The following RBFOX1 variants were observed in gnomAD, a reference collection of about 807,000 sequenced individuals.
RBFOX1 encodes RNA binding fox-1 homolog 1, also known as RNA binding protein fox-1 homolog 1.
RBFOX1 carries 8 observed loss-of-function variants against 57.7 expected under a neutral mutation model. That is an observed-to-expected ratio of 0.14 (90% CI 0.08 to 0.25). The LOEUF (loss-of-function observed/expected upper bound fraction) is 0.25. RBFOX1 is among the 10% of genes least tolerant of loss of function. The pLI is 1.00. For missense variants in RBFOX1, 611 were observed against 548.5 expected, an observed-to-expected ratio of 1.11 and a Z score of -1.14; for synonymous variants, 326 against 222.4, an observed-to-expected ratio of 1.47 and a Z score of -4.15.
intron 3 of RBFOX1, among the ~76,000 whole-genome samples, chr16:6,760,810 A>G (rs1397223091): frequency 6.6e-6 from 1 of 152,178 alleles, no homozygotes; most frequent in Non-Finnish European, 1.5e-5. Context: ...CAGAGATTCC[A>G]ACTAGAACCA....
chr16:5,893,805 CA>C (rs34828601), intron 4 of RBFOX1, among the ~76,000 whole-genome samples: 9,357 of 142,948 alleles, frequency 0.065, 303 homozygotes, highest in African/African-American at 0.091. Flanking sequence ...GACTCCACCT[CA>C]AAAAAAAAAA....
intron 4 of RBFOX1, among the ~76,000 whole-genome samples, chr16:7,359,211 C>T (rs1458566195): frequency 6.6e-6 from 1 of 152,150 alleles, no homozygotes; most frequent in African/African-American, 2.4e-5. Flanking sequence ...GCCTTGGTTT[C>T]TAATCCTTAC....
At chr16:6,534,925 G>A (rs765150519) in intron 2 of RBFOX1, among the ~76,000 whole-genome samples, 5 of 152,272 alleles carry the variant, frequency 3.3e-5, no homozygotes, top group South Asian at 2.1e-4. Flanking sequence ...TCATATGTGC[G>A]CATTCAACAT....
chr16:6,393,020 A>G (rs2092675092), intron 2 of RBFOX1, among the ~76,000 whole-genome samples: 1 of 152,178 alleles, frequency 6.6e-6, no homozygotes, highest in Non-Finnish European at 1.5e-5. Flanking sequence ...TGTGTCTTTA[A>G]GGGAGGTTGA....
At chr16:6,257,417 TTCTTC>T in intron 1 of RBFOX1, among the ~76,000 whole-genome samples, 1 of 152,080 alleles carries the variant, frequency 6.6e-6, no homozygotes, top group African/African-American at 2.4e-5. Flanking sequence ...GAATTTCTTC[TTCTTC>T]TTTTTTTTTA....
At chr16:5,651,215 G>A (rs944888652) in intron 3 of RBFOX1, among the ~76,000 whole-genome samples, 1 of 151,616 alleles carries the variant, frequency 6.6e-6, no homozygotes, top group Non-Finnish European at 1.5e-5. Flanking sequence ...ACCATACCCA[G>A]CTAATTTTTG....
At chr16:5,264,206 C>T (rs976541393) in intron 1 of RBFOX1, among the ~76,000 whole-genome samples, 4 of 152,008 alleles carry the variant, frequency 2.6e-5, no homozygotes, top group African/African-American at 4.8e-5. Flanking sequence ...TGTTAGGTCT[C>T]GGGGCCAGAG....
intron 2 of RBFOX1, among the ~76,000 whole-genome samples, chr16:6,527,410 C>T (rs936149777): frequency 1.3e-5 from 2 of 152,068 alleles, no homozygotes; most frequent in African/African-American, 2.4e-5. Context: ...GTCCTTCCCC[C>T]CATCACTTAA....
intron 3 of RBFOX1, among the ~76,000 whole-genome samples, chr16:6,920,813 A>G (rs117362306): frequency 1.3e-5 from 2 of 152,178 alleles, no homozygotes; most frequent in South Asian, 2.1e-4. Flanking sequence ...CCCTGAATCC[A>G]GGATGATTCC....
chr16:6,662,981 A>G (rs1376548646), intron 3 of RBFOX1, among the ~76,000 whole-genome samples: 1 of 152,226 alleles, frequency 6.6e-6, no homozygotes, highest in East Asian at 1.9e-4. Flanking sequence ...ACTGAAGTGT[A>G]GGAAACACTG....
rs2094188289 is a variant in RBFOX1, at chr16:7,587,420, T to A, written c.468+120T>A. 11 of 1,076,044 alleles carry A rather than the reference T, an allele frequency of 1.0e-5. No individual in the cohort carries two copies. In the South Asian group the frequency reaches 3.9e-4, roughly 38 times the overall value. The allele number at this position is 1,076,044 out of a possible 1,614,324, so 66.7% of individuals were successfully genotyped here. ...TGTGAAAATACACTTCAGTGGGAATTCCTTTAGAGACCACCTTCCGTTTTC... is the reference window on the plus strand; with the variant it reads ...TGTGAAAATACACTTCAGTGGGAATACCTTTAGAGACCACCTTCCGTTTTC... On this transcript the variant is annotated intron_variant, in intron 7 of 15. Transcript: ENST00000550418.
At chr16:5,944,627 C>G (rs1275480941) in intron 4 of RBFOX1, among the ~76,000 whole-genome samples, 2 of 150,968 alleles carry the variant, frequency 1.3e-5, no homozygotes, top group Admixed American at 1.3e-4. Context: ...CTATACTGTC[C>G]CCGCCATTGT....
chr16:6,678,743 A>G (rs1173557712), intron 3 of RBFOX1, among the ~76,000 whole-genome samples: 7 of 152,040 alleles, frequency 4.6e-5, no homozygotes. Context: ...ATTAATTGGA[A>G]GAAGTGCTAA....
At chr16:7,066,448 A>T (rs1023530486) in intron 4 of RBFOX1, among the ~76,000 whole-genome samples, 2 of 152,134 alleles carry the variant, frequency 1.3e-5, no homozygotes, top group Non-Finnish European at 2.9e-5. Flanking sequence ...TTGAGGCCCA[A>T]CCTTTGTAGG....
In RBFOX1 at chr16:7,567,339, C is replaced by CTGTA. The variant is rs1567865913; in HGVS notation, c.271-12437_271-12436insGTAT. On this transcript the variant is annotated intron_variant, in intron 5 of 15. Coordinates refer to ENST00000550418, the MANE Select transcript of RBFOX1 (RefSeq NM_018723.4). Reference sequence around the variant, plus strand: ...TATATATATCTCCCTATATATGGCCCTATATATATATCCCTATATATGGCC... The same window carrying CTGTA: ...TATATATATCTCCCTATATATGGCCCTGTATATATATATATCCCTATATATGGCC... Among the ~76,000 whole-genome samples the CTGTA allele has an allele frequency of 1.5e-4, 17 of 111,744 alleles. 1 individual carries two copies. The highest frequency in any genetic ancestry group is 5.3e-4 in the African/African-American group (15 of 28,244). 73.3% of individuals were successfully genotyped at this position (111,744 alleles called of 152,430 possible). A position where few individuals can be genotyped will look rare whatever the true frequency, so the allele number is the denominator to read the frequency against.
chr16:6,590,272 T>C (rs538572342), intron 2 of RBFOX1, among the ~76,000 whole-genome samples: 11 of 152,300 alleles, frequency 7.2e-5, no homozygotes, highest in African/African-American at 2.6e-4. Context: ...ATTGTACTTT[T>C]CTCCCCATTT....
intron 3 of RBFOX1, among the ~76,000 whole-genome samples, chr16:7,051,650 G>T (rs955256222): frequency 6.6e-6 from 1 of 152,278 alleles, no homozygotes; most frequent in South Asian, 2.1e-4. Context: ...AAGACTTTGT[G>T]TGTTTTCCAC....
intron 4 of RBFOX1, among the ~76,000 whole-genome samples, chr16:7,248,486 C>T (rs960574499): frequency 1.3e-5 from 2 of 152,200 alleles, no homozygotes; most frequent in Admixed American, 6.5e-5. Context: ...TTCACGCTTA[C>T]ACTTGCTGGC....
chr16:5,733,446 G>A (rs1048653725), intron 3 of RBFOX1, among the ~76,000 whole-genome samples: 2 of 152,110 alleles, frequency 1.3e-5, no homozygotes, highest in Admixed American at 6.5e-5. Context: ...TCTTGTCTCT[G>A]GCCTTAGATT....
Sources: allele counts gnomAD v4.1 joint callset (sites outside exome capture counted in the v4.1 genomes callset), GRCh38; gene constraint gnomAD v4.1.1; transcripts MANE v1.5; gene names NCBI Gene and HGNC (gene_info 2026-07-23, HGNC 2026-07-21).